Variants in STXBP4 observed in about 807,000 individuals in gnomAD.
STXBP4 encodes syntaxin-binding protein 4.
In STXBP4, 55 loss-of-function variants were observed where a neutral mutation model predicts 76.1. The ratio of observed to expected loss-of-function variants is 0.72; its 90% CI spans 0.58 to 0.91. The LOEUF is 0.91. Among genes scored for constraint, STXBP4 ranks in the 40% least tolerant of loss-of-function variants. The probability of loss-of-function intolerance (pLI) is 0.00; values close to 1 mark genes in which losing one functional copy is unlikely to be tolerated. For missense variants in STXBP4, 618 were observed against 636.9 expected, an observed-to-expected ratio of 0.97 and a Z score of 0.32; for synonymous variants, 201 against 220.2, an observed-to-expected ratio of 0.91 and a Z score of 0.77.
intron 8 of STXBP4, among the ~76,000 whole-genome samples, chr17:55,012,508 C>T (rs1189166087): frequency 6.6e-6 from 1 of 152,132 alleles, no homozygotes; most frequent in Non-Finnish European, 1.5e-5. Flanking sequence ...TTCTGTACTG[C>T]CAGTAATAAT....
At chr17:55,212,803 G>T in the STXBP4 span, among the ~76,000 whole-genome samples, 1 of 151,686 alleles carries the variant, frequency 6.6e-6, no homozygotes, top group South Asian at 2.1e-4. Context: ...ATCCTCTTGA[G>T]CATCTATCAG....
At chr17:55,201,663 C>T in the STXBP4 span, among the ~76,000 whole-genome samples, 1 of 152,176 alleles carries the variant, frequency 6.6e-6, no homozygotes, top group Non-Finnish European at 1.5e-5. Flanking sequence ...GACGTTACTG[C>T]TAAGGTCGTA....
rs1228970073 is a variant in STXBP4 at position 55,007,532 on chromosome 17, T to C, written c.601T>C (p.Tyr201His). Reference protein sequence around the residue: ...TDVASAWTENYGLQEKISLNP... With the variant: ...TDVASAWTENHGLQEKISLNP... The stretch of plus-strand genomic sequence containing the variant: ...TGTTGCTTCTGCCTGGACTGAAAAT[T>C]ATGGGCTACAAGAAAAGATCTCCCT... Residue 201 changes from tyrosine (Y) to histidine (H), a missense_variant, in exon 8 of 18, where the codon TAT becomes CAT. Coordinates refer to ENST00000376352, the MANE Select transcript of STXBP4 (RefSeq NM_178509.6). 1.2e-6 allele frequency: 2 copies of C among 1,611,334 alleles called. No homozygotes were observed. The highest frequency in any genetic ancestry group is 1.3e-5 in the African/African-American group (1 of 74,654).
intron 16 of STXBP4, among the ~76,000 whole-genome samples, chr17:55,083,485 C>T (rs1567753971): frequency 1.3e-5 from 2 of 152,100 alleles, no homozygotes; most frequent in South Asian, 2.1e-4. Flanking sequence ...GTTCCATTTA[C>T]CATTGCTGCA....
intron 13 of STXBP4, among the ~76,000 whole-genome samples, chr17:55,076,320 A>G (rs1158831927): frequency 2.0e-5 from 3 of 152,122 alleles, no homozygotes; most frequent in African/African-American, 4.8e-5. Flanking sequence ...TACATCTCAG[A>G]CCTTCTCACT....
intron 1 of STXBP4, among the ~76,000 whole-genome samples, chr17:54,983,891 A>G (rs1280244189): frequency 6.6e-6 from 1 of 152,158 alleles, no homozygotes; most frequent in Non-Finnish European, 1.5e-5. Flanking sequence ...CTGAGAGACT[A>G]CTAGTCAAAG....
chr17:55,128,188 G>A (rs1284674389), intron 16 of STXBP4, among the ~76,000 whole-genome samples: 1 of 152,164 alleles, frequency 6.6e-6, no homozygotes, highest in Non-Finnish European at 1.5e-5. Context: ...GTTCTTGAGT[G>A]CCCACTATGT....
In STXBP4 at chr17:55,075,048, T is replaced by C. The variant is rs543720886; in HGVS notation, c.1188+1972T>C. 2.2e-4 allele frequency among the ~76,000 whole-genome samples: 33 copies of C among 152,162 alleles called. 1 individual carries two copies. In the South Asian group the frequency reaches 6.6e-3, roughly 31 times the overall value. The stretch of plus-strand genomic sequence containing the variant: ...TTTTTCTTTATGTTATTTATTTATT[T>C]ATTTACCTTTTGGAGTTTTTATTCA... On this transcript the variant is annotated intron_variant, in intron 13 of 17. Transcript: ENST00000376352.
chr17:55,031,228 G>A lies in STXBP4; in HGVS notation c.727G>A (p.Val243Ile). The change falls in exon 9 of 18, where the codon GTA becomes ATA. Residue 243 changes from valine (V) to isoleucine (I), a missense_variant. Physicochemically the swap from Val to Ile is conservative, Grantham distance 29 (BLOSUM62 3). Transcript: ENST00000376352. ...ACAACACCAAGCCCTGAGACAGCAA[G>A]TACAAGCAGACTCAAAAGGGACAGT... ...KEQHQALRQQVQADSKGTVSF... is the reference protein window; with the variant it reads ...KEQHQALRQQIQADSKGTVSF... 1.2e-6 allele frequency: 2 copies of A among 1,613,316 alleles called. No homozygotes were observed. The highest frequency in any genetic ancestry group is 8.5e-7 in the Non-Finnish European group (1 of 1,179,452).
In STXBP4 at chr17:55,016,155, G is replaced by A. The variant is rs146215268; in HGVS notation, c.666+8558G>A. Reference sequence around the variant, plus strand: ...TTCCAATGAGCATTAGTCCTAGAGCGTCCTTTATGGTCCTAATGCTTATTC... The same window carrying A: ...TTCCAATGAGCATTAGTCCTAGAGCATCCTTTATGGTCCTAATGCTTATTC... On this transcript the variant is annotated intron_variant, in intron 8 of 17. Coordinates refer to ENST00000376352, the MANE Select transcript of STXBP4 (RefSeq NM_178509.6). Among the ~76,000 whole-genome samples, 189 of 152,218 alleles carry A rather than the reference G, an allele frequency of 1.2e-3. 1 individual carries two copies. The highest frequency in any genetic ancestry group is 4.3e-3 in the African/African-American group (178 of 41,528).
intron 16 of STXBP4, among the ~76,000 whole-genome samples, chr17:55,103,586 T>TTTTTC (rs1443929142): frequency 6.6e-6 from 1 of 151,860 alleles, no homozygotes; most frequent in East Asian, 1.9e-4. Context: ...TTTGTTTTTT[T>TTTTTC]TTTGCTTAGG....
chr17:54,969,178 G>GC (rs1341820018), intron 1 of STXBP4, among the ~76,000 whole-genome samples: 1 of 152,144 alleles, frequency 6.6e-6, no homozygotes, highest in African/African-American at 2.4e-5. Context: ...CTGCTCTGAT[G>GC]CCCCTTACAA....
At chr17:54,973,494 C>G (rs898567263) in intron 1 of STXBP4, among the ~76,000 whole-genome samples, 1 of 152,120 alleles carries the variant, frequency 6.6e-6, no homozygotes, top group South Asian at 2.1e-4. Flanking sequence ...GGATTGGGGT[C>G]AGAGACCGAG....
At chr17:55,033,552 G>A (rs2078547825) in intron 9 of STXBP4, among the ~76,000 whole-genome samples, 1 of 152,132 alleles carries the variant, frequency 6.6e-6, no homozygotes, top group Non-Finnish European at 1.5e-5. Flanking sequence ...AGTAGCCAAA[G>A]TGGAAAATAT....
At chr17:55,208,709 A>G in the STXBP4 span, among the ~76,000 whole-genome samples, 491 of 152,302 alleles carry the variant, frequency 3.2e-3, 2 homozygotes, top group African/African-American at 0.011. Flanking sequence ...TTCTTCCACA[A>G]TTAAAGGCAA....
At chr17:55,192,149 T>A in the STXBP4 span, among the ~76,000 whole-genome samples, 2 of 152,190 alleles carry the variant, frequency 1.3e-5, no homozygotes, top group African/African-American at 4.8e-5. Flanking sequence ...AAATTCTGTC[T>A]GTCTGAGTTC....
At chr17:55,189,975 A>T in the STXBP4 span, among the ~76,000 whole-genome samples, 1 of 152,208 alleles carries the variant, frequency 6.6e-6, no homozygotes, top group Non-Finnish European at 1.5e-5. Context: ...CAGTTCAGTA[A>T]GTGTTACTTT....
chr17:55,193,847 C>G, the STXBP4 span, among the ~76,000 whole-genome samples: 1 of 148,170 alleles, frequency 6.7e-6, no homozygotes, highest in South Asian at 2.1e-4. Flanking sequence ...TAATTAATTC[C>G]TACAGCAAGG....
At chr17:55,038,790 A>C (rs2078647179) in intron 10 of STXBP4, among the ~76,000 whole-genome samples, 1 of 152,020 alleles carries the variant, frequency 6.6e-6, no homozygotes, top group African/African-American at 2.4e-5. Flanking sequence ...TCTTAAAATT[A>C]TAGAGAGAAC....
Sources: gnomAD v4.1 joint callset for allele counts (sites outside exome capture counted in the v4.1 genomes callset) on GRCh38, gnomAD v4.1.1 for gene constraint, MANE v1.5 for transcripts, NCBI Gene and HGNC (gene_info 2026-07-23, HGNC 2026-07-21) for gene names.